The following HMGB1 variants were observed in gnomAD, a reference collection of about 807,000 sequenced individuals.
The protein encoded by HMGB1 is high mobility group protein B1.
For synonymous variants in HMGB1, 81 were observed against 84.0 expected (o/e 0.96, Z 0.19); for missense variants, 79 against 253.5 (o/e 0.31, Z 4.67).
chr13:30,497,300 C>T (rs9508757), intron 1 of HMGB1, among the ~76,000 whole-genome samples: 71,593 of 151,856 alleles, frequency 0.47, 18,386 homozygotes, highest in East Asian at 0.56. Context: ...GATCTCGGCT[C>T]ACTGCAACCT....
chr13:30,565,719 G>C (rs1257990698), intron 1 of HMGB1, among the ~76,000 whole-genome samples: 1 of 152,178 alleles, frequency 6.6e-6, no homozygotes, highest in Non-Finnish European at 1.5e-5. Context: ...AAGCAAAAAA[G>C]ATGTCTGATA....
chr13:30,576,088 C>A (rs1019077977), intron 1 of HMGB1, among the ~76,000 whole-genome samples: 1 of 152,112 alleles, frequency 6.6e-6, no homozygotes, highest in African/African-American at 2.4e-5. Context: ...TTGACATTTT[C>A]TATACTATAC....
chr13:30,478,662 G>A (rs971101603), intron 1 of HMGB1, among the ~76,000 whole-genome samples: 14 of 151,986 alleles, frequency 9.2e-5, no homozygotes, highest in African/African-American at 3.4e-4. Flanking sequence ...GATAATCTTT[G>A]CTTTCTTTTT....
At chr13:30,509,629 AAT>A (rs1339297068) in intron 1 of HMGB1, among the ~76,000 whole-genome samples, 3 of 152,170 alleles carry the variant, frequency 2.0e-5, no homozygotes, top group Non-Finnish European at 1.5e-5. Flanking sequence ...ATATGAAGAT[AAT>A]GAGATAATGC....
At chr13:30,476,416 GGCC>G (rs1887099786) in intron 1 of HMGB1, among the ~76,000 whole-genome samples, 2 of 152,036 alleles carry the variant, frequency 1.3e-5, no homozygotes, top group Non-Finnish European at 2.9e-5. Flanking sequence ...TGGGATTACA[GGCC>G]TGAGCCATCG....
At chr13:30,550,275 C>T (rs1310157593) in intron 1 of HMGB1, among the ~76,000 whole-genome samples, 2 of 152,096 alleles carry the variant, frequency 1.3e-5, no homozygotes, top group Non-Finnish European at 2.9e-5. Flanking sequence ...GTAAAAGTTA[C>T]AGAACACTGA....
rs1300355357 is a variant in HMGB1 at position 30,458,609 on chromosome 13, G to C, written c.*2748C>G. 6.6e-6 allele frequency: 1 copy of C among 152,258 alleles called. No homozygotes were observed. The highest frequency in any genetic ancestry group is 2.4e-5 in the African/African-American group (1 of 41,446). 9.4% of individuals were successfully genotyped at this position (152,258 alleles called of 1,614,324 possible). ...CTCCCAAAGTGCTGGGATTACAGGC[G>C]TGAGCCACTGCGCCCGGCCTCTCCT... On this transcript the variant is annotated 3_prime_UTR_variant, in exon 5 of 5. Transcript: ENST00000341423.
rs114768554 is a variant in HMGB1, at chr13:30,550,630, C to T, written c.-15+66041G>A. Among the ~76,000 whole-genome samples the T allele has an allele frequency of 2.7e-3, 405 of 152,304 alleles. 5 individuals are homozygous for T. The highest frequency in any genetic ancestry group is 9.2e-3 in the African/African-American group (383 of 41,574). On this transcript the variant is annotated intron_variant, in intron 1 of 4. Transcript: ENST00000405805. ...TGCCGAGGGACCCTCGGATGACACA[C>T]TCGGGCCACCTCCTCTTTTGCCTGT...
intron 1 of HMGB1, among the ~76,000 whole-genome samples, chr13:30,505,052 C>G (rs1446611608): frequency 1.3e-5 from 2 of 151,662 alleles, no homozygotes; most frequent in East Asian, 1.9e-4. Flanking sequence ...CTCACTGCAA[C>G]CTCTGCCTCC....
intron 1 of HMGB1, among the ~76,000 whole-genome samples, chr13:30,546,505 A>C (rs538566710): frequency 6.6e-6 from 1 of 152,228 alleles, no homozygotes; most frequent in African/African-American, 2.4e-5. Flanking sequence ...TTTTTTAGAG[A>C]CTGGGTCTTG....
At chr13:30,548,109 C>T (rs1869248325) in intron 1 of HMGB1, among the ~76,000 whole-genome samples, 1 of 152,032 alleles carries the variant, frequency 6.6e-6, no homozygotes, top group Non-Finnish European at 1.5e-5. Flanking sequence ...TGGCTGTGTC[C>T]TCACCCAAAT....
intron 1 of HMGB1, among the ~76,000 whole-genome samples, chr13:30,492,176 AAAG>A (rs752523153): frequency 6.6e-6 from 1 of 152,086 alleles, no homozygotes; most frequent in South Asian, 2.1e-4. Flanking sequence ...AAAAAAAAAA[AAAG>A]AAAGAAAGAT....
At chr13:30,490,524 C>T (rs1008714637) in intron 1 of HMGB1, among the ~76,000 whole-genome samples, 3 of 151,044 alleles carry the variant, frequency 2.0e-5, no homozygotes, top group Non-Finnish European at 4.4e-5. Flanking sequence ...GAGGCTGAGG[C>T]GCAAGAATCA....
intron 1 of HMGB1, among the ~76,000 whole-genome samples, chr13:30,481,163 G>A (rs1385594755): frequency 2.0e-5 from 3 of 151,608 alleles, no homozygotes; most frequent in Admixed American, 1.3e-4. Context: ...GTTTGTTAAA[G>A]ACAATTAGAA....
chr13:30,474,039 T>C (rs1416432259), intron 1 of HMGB1, among the ~76,000 whole-genome samples: 1 of 152,044 alleles, frequency 6.6e-6, no homozygotes, highest in African/African-American at 2.4e-5. Context: ...GCTGCCAGGG[T>C]TTGGGGAAAA....
chr13:30,473,696 G>A (rs1476931324), intron 1 of HMGB1, among the ~76,000 whole-genome samples: 1 of 152,194 alleles, frequency 6.6e-6, no homozygotes, highest in African/African-American at 2.4e-5. Context: ...CAAGCTGACA[G>A]TTCCTCAAAA....
intron 1 of HMGB1, among the ~76,000 whole-genome samples, chr13:30,483,760 C>T (rs950889366): frequency 3.9e-5 from 6 of 151,942 alleles, no homozygotes; most frequent in East Asian, 1.9e-4. Context: ...GCCACAGACA[C>T]GCACCACCAC....
rs1491159232 is a variant in HMGB1, at chr13:30,538,641, TCC to T, written c.-14-74949_-14-74948del. On this transcript the variant is annotated intron_variant, in intron 1 of 4. Coordinates refer to the HMGB1 transcript ENST00000405805. ...TCTCTCTCTCTTTCTTTTTCTTTCT[TCC>T]TTTCTTTCTTTCTTTCTTTCCTTTC... Among the ~76,000 whole-genome samples, 193 of 107,236 alleles carry T rather than the reference TCC, an allele frequency of 1.8e-3. 9 individuals are homozygous for T. The highest frequency in any genetic ancestry group is 9.2e-3 in the African/African-American group (168 of 18,272). The allele number at this position is 107,236 out of a possible 152,430, so 70.4% of individuals were successfully genotyped here.
At chr13:30,499,739 A>C (rs1247099523) in intron 1 of HMGB1, among the ~76,000 whole-genome samples, 1 of 152,214 alleles carries the variant, frequency 6.6e-6, no homozygotes, top group Non-Finnish European at 1.5e-5. Flanking sequence ...GGAACCTTGA[A>C]AAGTCAATCC....
Sources: gnomAD v4.1 joint callset for allele counts (sites outside exome capture counted in the v4.1 genomes callset) on GRCh38, gnomAD v4.1.1 for gene constraint, MANE v1.5 for transcripts, NCBI Gene and HGNC (gene_info 2026-07-23, HGNC 2026-07-21) for gene names.